Variants in GRIK2 observed in about 807,000 individuals in gnomAD.
GRIK2 encodes the protein glutamate receptor ionotropic, kainate 2.
A neutral mutation model predicts 100.3 loss-of-function variants in GRIK2; 32 were observed. The observed-to-expected ratio is 0.32, with a 90% CI of 0.24 to 0.43. The LOEUF is 0.43. Among genes scored for constraint, GRIK2 ranks in the 20% least tolerant of loss-of-function variants. GRIK2 has a pLI of 1.00. For missense variants in GRIK2, 843 were observed against 1,114.9 expected (o/e 0.76, Z 3.47); for synonymous variants, 417 against 389.4 (o/e 1.07, Z -0.83).
At chr6:101,611,337 A>T (rs536310957) in intron 2 of GRIK2, among the ~76,000 whole-genome samples, 41 of 151,902 alleles carry the variant, frequency 2.7e-4, no homozygotes, top group African/African-American at 9.6e-4. Flanking sequence ...TTTTTTTCAA[A>T]TGCCCAGGAC....
In GRIK2 at chr6:101,427,365, G is replaced by A. The variant is rs9404104; in HGVS notation, c.115+27973G>A. On this transcript the variant is annotated intron_variant, in intron 2 of 16. Transcript: ENST00000369134. ...TTCTGTGGTTCATCTAAATAATCCTGTTTTGGAAGTTACATATTTGTCTTC... is the reference window on the plus strand; with the variant it reads ...TTCTGTGGTTCATCTAAATAATCCTATTTTGGAAGTTACATATTTGTCTTC... Among the ~76,000 whole-genome samples the A allele has an allele frequency of 5.6e-3, 853 of 152,222 alleles. 25 individuals are homozygous for A. The highest frequency in any genetic ancestry group is 0.043 in the Admixed American group (657 of 15,286).
chr6:101,858,597 G>A (rs895679054), intron 10 of GRIK2, among the ~76,000 whole-genome samples: 5 of 151,784 alleles, frequency 3.3e-5, no homozygotes, highest in African/African-American at 1.2e-4. Context: ...CACCGTGTTA[G>A]CCAGGATGGT....
chr6:101,674,222 A>G (rs1349225521), intron 4 of GRIK2, among the ~76,000 whole-genome samples: 1 of 152,162 alleles, frequency 6.6e-6, no homozygotes, highest in Non-Finnish European at 1.5e-5. Flanking sequence ...AATTGGCCTC[A>G]TTCTTTTATG....
chr6:101,989,760 T>C lies in GRIK2; in HGVS notation c.2086-45581T>C, dbSNP rs1048372286. ...TGCAGGATTCTGTATATATTGCAGT[T>C]TTATTATAAAGCACACTTAAAGAAG... On this transcript the variant is annotated intron_variant, in intron 14 of 16. Coordinates refer to ENST00000369134, the MANE Select transcript of GRIK2 (RefSeq NM_021956.5). Among the ~76,000 whole-genome samples, 11 of 151,710 alleles carry C rather than the reference T, an allele frequency of 7.3e-5. No homozygotes were observed. The South Asian group carries it at 1.5e-3, about 20-fold the overall frequency.
chr6:101,846,555 C>CTTCT (rs1215461714), intron 10 of GRIK2, among the ~76,000 whole-genome samples: 2 of 151,948 alleles, frequency 1.3e-5, no homozygotes, highest in Admixed American at 1.3e-4. Context: ...GTGTTCCCTC[C>CTTCT]TGTTTTATTA....
chr6:101,851,971 A>AAT (rs914640255), intron 10 of GRIK2, among the ~76,000 whole-genome samples: 3 of 151,448 alleles, frequency 2.0e-5, no homozygotes, highest in African/African-American at 7.3e-5. Context: ...AAAAAAAAAA[A>AAT]AAAATCTTAA....
chr6:102,058,248 A>G (rs1771562185), intron 16 of GRIK2, among the ~76,000 whole-genome samples: 2 of 151,640 alleles, frequency 1.3e-5, no homozygotes, highest in Non-Finnish European at 3.0e-5. Flanking sequence ...CACATATTAA[A>G]TTCTTCTTGC....
At chr6:101,676,366 CAG>C (rs1047684687) in intron 4 of GRIK2, among the ~76,000 whole-genome samples, 30 of 152,028 alleles carry the variant, frequency 2.0e-4, no homozygotes, top group African/African-American at 6.7e-4. Context: ...ACAAAAATAA[CAG>C]AGGATATGGA....
At chr6:101,797,181 G>A (rs147063591) in intron 7 of GRIK2, among the ~76,000 whole-genome samples, 46 of 148,462 alleles carry the variant, frequency 3.1e-4, no homozygotes, top group Non-Finnish European at 6.0e-4. Flanking sequence ...TTTTTATCTT[G>A]GCAATAACTG....
intron 9 of GRIK2, among the ~76,000 whole-genome samples, chr6:101,805,305 C>A (rs1328243874): frequency 7.2e-6 from 1 of 139,282 alleles, no homozygotes; most frequent in African/African-American, 2.9e-5. Context: ...GTGCCAAATT[C>A]ATCACCTTAA....
At chr6:101,611,119 C>A (rs1207109425) in intron 2 of GRIK2, among the ~76,000 whole-genome samples, 1 of 151,722 alleles carries the variant, frequency 6.6e-6, no homozygotes, top group Non-Finnish European at 1.5e-5. Flanking sequence ...CACTTATTTT[C>A]CATCCACTAC....
chr6:101,906,059 A>T (rs1788200124), intron 12 of GRIK2, among the ~76,000 whole-genome samples: 1 of 151,720 alleles, frequency 6.6e-6, no homozygotes, highest in African/African-American at 2.4e-5. Flanking sequence ...ATTTTATTGT[A>T]TAATAAATCA....
chr6:101,570,332 A>G (rs1380123009), intron 2 of GRIK2, among the ~76,000 whole-genome samples: 2 of 152,132 alleles, frequency 1.3e-5, no homozygotes, highest in African/African-American at 2.4e-5. Flanking sequence ...ATAAATGCTC[A>G]AGAAATGGTG....
At chr6:101,571,007 T>A (rs1343398539) in intron 2 of GRIK2, among the ~76,000 whole-genome samples, 1 of 152,168 alleles carries the variant, frequency 6.6e-6, no homozygotes, top group Non-Finnish European at 1.5e-5. Flanking sequence ...GAAAGGATAG[T>A]TCTTGTGATT....
chr6:101,886,951 G>T (rs6932234), intron 11 of GRIK2, among the ~76,000 whole-genome samples: 2,703 of 148,834 alleles, frequency 0.018, 88 homozygotes, highest in African/African-American at 0.064. Context: ...TCAGCCTCCC[G>T]AGTAGCTGGG....
chr6:101,534,696 T>C (rs1775603881), intron 2 of GRIK2, among the ~76,000 whole-genome samples: 1 of 151,890 alleles, frequency 6.6e-6, no homozygotes, highest in South Asian at 2.1e-4. Context: ...CCCTCAAAAA[T>C]GGTAGCATAT....
At chr6:101,738,713 G>C (rs1562347107) in intron 7 of GRIK2, among the ~76,000 whole-genome samples, 1 of 152,038 alleles carries the variant, frequency 6.6e-6, no homozygotes, top group African/African-American at 2.4e-5. Context: ...TTTGCTGTGG[G>C]GGACTGTCCT....
At chr6:101,520,651 C>T (rs920035610) in intron 2 of GRIK2, among the ~76,000 whole-genome samples, 5 of 151,976 alleles carry the variant, frequency 3.3e-5, no homozygotes, top group Non-Finnish European at 5.9e-5. Flanking sequence ...TGGCATTGTG[C>T]GGCGACTTCT....
chr6:101,433,770 A>C (rs1769557227), intron 2 of GRIK2, among the ~76,000 whole-genome samples: 1 of 152,210 alleles, frequency 6.6e-6, no homozygotes, highest in African/African-American at 2.4e-5. Flanking sequence ...TGAATCTAGA[A>C]GTGAACGGTT....
Sources: allele counts gnomAD v4.1 joint callset (sites outside exome capture counted in the v4.1 genomes callset), GRCh38; gene constraint gnomAD v4.1.1; transcripts MANE v1.5; gene names NCBI Gene and HGNC (gene_info 2026-07-23, HGNC 2026-07-21).